The following SBF2 variants were observed in gnomAD, a reference collection of about 807,000 sequenced individuals.
SBF2 encodes the protein myotubularin-related protein 13.
SBF2 carries 112 observed loss-of-function variants against 225.2 expected under a neutral mutation model. The observed-to-expected ratio is 0.50, with a 90% confidence interval of 0.43 to 0.58. SBF2 has a LOEUF of 0.58. Among genes scored for constraint, SBF2 ranks in the 20% least tolerant of loss-of-function variants. SBF2 has a pLI of 0.00. For synonymous variants in SBF2, 763 were observed against 773.3 expected, an observed-to-expected ratio of 0.99 and a Z score of 0.22; for missense variants, 1,996 against 2,206.2, an observed-to-expected ratio of 0.90 and a Z score of 1.91.
chr11:9,977,600 T>C (rs1946759378), intron 13 of SBF2, among the ~76,000 whole-genome samples: 1 of 152,146 alleles, frequency 6.6e-6, no homozygotes, highest in Non-Finnish European at 1.5e-5. Context: ...AACTCCTACA[T>C]TATGAATTGG....
At chr11:10,175,220 T>A (rs1009316216) in intron 2 of SBF2, among the ~76,000 whole-genome samples, 2 of 151,406 alleles carry the variant, frequency 1.3e-5, no homozygotes, top group African/African-American at 2.4e-5. Flanking sequence ...GACTGGCAAA[T>A]TGGATAAAGA....
At chr11:9,971,985 A>T (rs1946480651) in intron 13 of SBF2, among the ~76,000 whole-genome samples, 1 of 152,186 alleles carries the variant, frequency 6.6e-6, no homozygotes, top group Admixed American at 6.5e-5. Flanking sequence ...TATGATAGAG[A>T]TAGGTGGCAT....
At chr11:9,910,105 A>T (rs559930311) in intron 16 of SBF2, among the ~76,000 whole-genome samples, 1 of 152,342 alleles carries the variant, frequency 6.6e-6, no homozygotes, top group Non-Finnish European at 1.5e-5. Context: ...AAAAAAGCAC[A>T]GTCACCGAGA....
intron 2 of SBF2, among the ~76,000 whole-genome samples, chr11:10,162,433 T>C (rs1232161459): frequency 6.6e-6 from 1 of 152,180 alleles, no homozygotes; most frequent in Non-Finnish European, 1.5e-5. Flanking sequence ...TGTTATGTCT[T>C]TGAAATAAGA....
At chr11:10,210,782 G>T (rs1218871699) in intron 1 of SBF2, among the ~76,000 whole-genome samples, 1 of 151,986 alleles carries the variant, frequency 6.6e-6, no homozygotes, top group African/African-American at 2.4e-5. Context: ...GGAGGCCGAG[G>T]GAGGTGGATC....
chr11:9,854,924 T>C (rs1370451650), intron 19 of SBF2, among the ~76,000 whole-genome samples: 2 of 152,198 alleles, frequency 1.3e-5, no homozygotes, highest in South Asian at 2.1e-4. Flanking sequence ...AATATAGTTA[T>C]TGCTTGTTAT....
chr11:9,987,145 A>C (rs1370867944), intron 13 of SBF2, among the ~76,000 whole-genome samples: 1 of 152,006 alleles, frequency 6.6e-6, no homozygotes, highest in Non-Finnish European at 1.5e-5. Flanking sequence ...AATGTGATAC[A>C]CCACATAAAC....
chr11:10,178,860 C>G (rs934430192), intron 2 of SBF2, among the ~76,000 whole-genome samples: 2 of 149,016 alleles, frequency 1.3e-5, no homozygotes, highest in African/African-American at 5.0e-5. Context: ...ACCCAAAGGA[C>G]TATAAATCAT....
At chr11:9,795,119 A>G (rs1302206474) in intron 33 of SBF2, among the ~76,000 whole-genome samples, 4 of 152,152 alleles carry the variant, frequency 2.6e-5, no homozygotes, top group Non-Finnish European at 5.9e-5. Flanking sequence ...TAAGAATGTA[A>G]AATTCCCTTG....
intron 6 of SBF2, among the ~76,000 whole-genome samples, chr11:10,010,782 A>G (rs1458620818): frequency 2.0e-5 from 3 of 152,158 alleles, no homozygotes; most frequent in Non-Finnish European, 2.9e-5. Flanking sequence ...AAAAAAGTCA[A>G]TGGTAGCTTG....
intron 2 of SBF2, among the ~76,000 whole-genome samples, chr11:10,176,909 TA>T (rs1956491858): frequency 6.6e-6 from 1 of 152,158 alleles, no homozygotes; most frequent in Admixed American, 6.5e-5. Flanking sequence ...TTTAGACCAA[TA>T]CCCTTGGTGA....
intron 2 of SBF2, among the ~76,000 whole-genome samples, chr11:10,051,785 G>A (rs1280942737): frequency 6.6e-6 from 1 of 151,994 alleles, no homozygotes; most frequent in East Asian, 1.9e-4. Flanking sequence ...ACCCTAACCT[G>A]CAGTTAAATG....
intron 16 of SBF2, among the ~76,000 whole-genome samples, chr11:9,954,380 C>T (rs1866029920): frequency 6.6e-6 from 1 of 152,182 alleles, no homozygotes. Flanking sequence ...TTCAGAATGT[C>T]ATGTTAAATC....
intron 26 of SBF2, among the ~76,000 whole-genome samples, chr11:9,835,625 T>C (rs1429749732): frequency 8.9e-4 from 4 of 4,476 alleles, no homozygotes; most frequent in Non-Finnish European, 2.2e-3. Flanking sequence ...GAGCAAGACC[T>C]TGTCTCAAAA....
intron 2 of SBF2, among the ~76,000 whole-genome samples, chr11:10,122,282 G>A (rs1389710124): frequency 5.3e-5 from 8 of 152,130 alleles, no homozygotes; most frequent in Non-Finnish European, 1.5e-5. Flanking sequence ...AGATGAAAAA[G>A]GCATTAAATT....
intron 17 of SBF2, among the ~76,000 whole-genome samples, chr11:9,887,247 A>G (rs936371309): frequency 6.6e-6 from 1 of 151,896 alleles, no homozygotes; most frequent in Admixed American, 6.5e-5. Flanking sequence ...AATAAATTTA[A>G]TAAGATTAAA....
chr11:10,216,788 T>C (rs1406636616), intron 1 of SBF2, among the ~76,000 whole-genome samples: 1 of 152,166 alleles, frequency 6.6e-6, no homozygotes. Flanking sequence ...GAGAATCGCT[T>C]GAAACCGGGA....
intron 16 of SBF2, among the ~76,000 whole-genome samples, chr11:9,912,099 A>G (rs1288732712): frequency 6.6e-6 from 1 of 151,492 alleles, no homozygotes; most frequent in East Asian, 1.9e-4. Flanking sequence ...GGCAAATCAC[A>G]AGGTTAGGAG....
At chr11:10,175,375 A>C (rs1209117094) in intron 2 of SBF2, among the ~76,000 whole-genome samples, 1 of 150,788 alleles carries the variant, frequency 6.6e-6, no homozygotes, top group Non-Finnish European at 1.5e-5. Flanking sequence ...GTCTCTGATA[A>C]AACAGACTTT....
Sources: allele counts gnomAD v4.1 joint callset (sites outside exome capture counted in the v4.1 genomes callset), GRCh38; gene constraint gnomAD v4.1.1; transcripts MANE v1.5; gene names NCBI Gene and HGNC (gene_info 2026-07-23, HGNC 2026-07-21).